Variants in KANK1 observed in about 807,000 individuals in gnomAD.
KANK1 encodes KN motif and ankyrin repeat domain-containing protein 1.
In KANK1, 109 loss-of-function variants were observed where a neutral mutation model predicts 106.2. That is an observed-to-expected ratio of 1.03 (90% CI 0.88 to 1.20). KANK1 has a LOEUF of 1.20. Among genes scored for constraint, KANK1 ranks in the 50% most tolerant of loss-of-function variants. The pLI is 0.00. For synonymous variants in KANK1, 873 were observed against 652.2 expected (o/e 1.34, Z -5.16); for missense variants, 2,399 against 1,710.7 (o/e 1.40, Z -7.10).
chr9:682,634 A>ATCATCTTCCCTG (rs1340196224), intron 2 of KANK1, among the ~76,000 whole-genome samples: 3 of 152,174 alleles, frequency 2.0e-5, no homozygotes, highest in Non-Finnish European at 4.4e-5. Flanking sequence ...ATGATGTTGC[A>ATCATCTTCCCTG]GAGAACATCT....
intron 1 of KANK1, among the ~76,000 whole-genome samples, chr9:634,479 T>C (rs965266024): frequency 1.3e-5 from 2 of 152,270 alleles, no homozygotes; most frequent in Admixed American, 6.5e-5. Context: ...ATTGGGGAAG[T>C]CACAAACCTT....
chr9:649,622 C>T (rs1840443777), intron 1 of KANK1, among the ~76,000 whole-genome samples: 1 of 152,184 alleles, frequency 6.6e-6, no homozygotes, highest in Non-Finnish European at 1.5e-5. Flanking sequence ...CACTGTGGCA[C>T]AGAACAGTAG....
intron 1 of KANK1, among the ~76,000 whole-genome samples, chr9:506,695 G>A (rs1300659539): frequency 6.6e-6 from 1 of 152,226 alleles, no homozygotes; most frequent in African/African-American, 2.4e-5. Context: ...TTCAAGACTA[G>A]TTTCATTTCA....
rs763430260 is a variant in KANK1, at chr9:731,143, T to C, written c.2897-15T>C. 6.6e-7 allele frequency: 1 copy of C among 1,508,154 alleles called. No individual in the cohort carries two copies. Among genetic ancestry groups the C allele is most frequent in the Admixed American group, 1.7e-5 (1 of 58,426 alleles). 93.4% of individuals were successfully genotyped at this position (1,508,154 alleles called of 1,614,324 possible). On this transcript the variant is annotated splice_polypyrimidine_tract_variant and intron_variant, in intron 4 of 11. Transcript: ENST00000382297. Reference sequence around the variant, plus strand: ...GGTGTGAGTTTTCATTTTTATTGCCTTGACTTTTTCACAGCATGTACAAAC... The same window carrying C: ...GGTGTGAGTTTTCATTTTTATTGCCCTGACTTTTTCACAGCATGTACAAAC...
chr9:720,342 T>G lies in KANK1; in HGVS notation c.2698+6878T>G, dbSNP rs570012862. Among the ~76,000 whole-genome samples, 5 of 152,312 alleles carry G rather than the reference T, an allele frequency of 3.3e-5. No individual in the cohort carries two copies. In the East Asian group the frequency reaches 9.7e-4, roughly 29 times the overall value. On this transcript the variant is annotated intron_variant, in intron 3 of 11. Transcript: ENST00000382297. Reference sequence around the variant, plus strand: ...AGGTGTTTTGTAATTACTCCACATGTTGCTGTCGTTTTGTTTTGTTGAGAC... The same window carrying G: ...AGGTGTTTTGTAATTACTCCACATGGTGCTGTCGTTTTGTTTTGTTGAGAC...
chr9:477,304 G>GAAA (rs74361424), intron 3 of KANK1, among the ~76,000 whole-genome samples: 5 of 89,336 alleles, frequency 5.6e-5, no homozygotes, highest in Non-Finnish European at 9.7e-5. Context: ...AATGCAAACA[G>GAAA]AAAAAAAAAA....
intron 1 of KANK1, among the ~76,000 whole-genome samples, chr9:525,383 G>GTATT (rs1280728854): frequency 1.3e-5 from 2 of 150,534 alleles, no homozygotes; most frequent in Non-Finnish European, 3.0e-5. Context: ...GTGTGTGTGT[G>GTATT]TATTTATTTG....
intron 1 of KANK1, among the ~76,000 whole-genome samples, chr9:598,637 T>C (rs1471791271): frequency 8.3e-6 from 1 of 120,252 alleles, no homozygotes; most frequent in Non-Finnish European, 1.7e-5. Context: ...TTTTTTTTTT[T>C]TTTTTTTTTT....
intron 2 of KANK1, chr9:693,498 C>T: frequency 2.0e-6 from 2 of 985,394 alleles, no homozygotes; most frequent in South Asian, 4.7e-5. Context: ...TTTGAAAAAT[C>T]AGAAGGAAGA....
At chr9:594,306 G>A (rs1825700930) in intron 1 of KANK1, among the ~76,000 whole-genome samples, 1 of 151,924 alleles carries the variant, frequency 6.6e-6, no homozygotes, top group Non-Finnish European at 1.5e-5. Context: ...GGTGGAGAAA[G>A]GCTAACTAGG....
intron 11 of KANK1, 35 bp from the exon 12 acceptor site, chr9:745,138 T>C (rs755511348): frequency 8.1e-6 from 13 of 1,611,328 alleles, no homozygotes; most frequent in East Asian, 2.2e-5. Context: ...AGGTCACTTA[T>C]TAACCCCCAG....
At chr9:578,085 A>T (rs755998246) in intron 1 of KANK1, among the ~76,000 whole-genome samples, 17 of 152,270 alleles carry the variant, frequency 1.1e-4, no homozygotes, top group Admixed American at 3.3e-4. Flanking sequence ...AGAGAAGAAC[A>T]CCAGAGGATA....
chr9:692,335 ATTTGGG>A (rs574289970), intron 2 of KANK1, among the ~76,000 whole-genome samples: 797 of 68,786 alleles, frequency 0.012, 9 homozygotes, highest in African/African-American at 0.032. Flanking sequence ...CATGGCACTT[ATTTGGG>A]CTTGGGGCTT....
intron 1 of KANK1, among the ~76,000 whole-genome samples, chr9:505,312 A>C (rs1001474893): frequency 6.6e-6 from 1 of 151,642 alleles, no homozygotes; most frequent in South Asian, 2.1e-4. Flanking sequence ...CCCTCCGCCA[A>C]CTCCGAGGTG....
chr9:727,451 G>A (rs756997128), intron 3 of KANK1, among the ~76,000 whole-genome samples: 1 of 151,410 alleles, frequency 6.6e-6, no homozygotes, highest in Non-Finnish European at 1.5e-5. Context: ...GAGCAGCTCT[G>A]GATTACAGGC....
chr9:573,322 T>C (rs555403189), intron 1 of KANK1, among the ~76,000 whole-genome samples: 24 of 152,234 alleles, frequency 1.6e-4, no homozygotes, highest in African/African-American at 5.8e-4. Context: ...CAGGCTGGAG[T>C]GCAGTGGCGC....
chr9:617,619 G>T (rs891351876), intron 1 of KANK1, among the ~76,000 whole-genome samples: 5 of 152,242 alleles, frequency 3.3e-5, no homozygotes, highest in African/African-American at 7.2e-5. Context: ...CTGGCTGTTG[G>T]GGGAGGCACA....
intron 1 of KANK1, among the ~76,000 whole-genome samples, chr9:608,101 A>T (rs532685458): frequency 7.2e-6 from 1 of 139,678 alleles, no homozygotes; most frequent in Non-Finnish European, 1.5e-5. Context: ...GCAGTGGCGC[A>T]ATCTCGGCTC....
intron 1 of KANK1, among the ~76,000 whole-genome samples, chr9:671,371 C>T (rs1588765865): frequency 6.6e-6 from 1 of 151,882 alleles, no homozygotes; most frequent in Non-Finnish European, 1.5e-5. Flanking sequence ...TGGGGCCGGG[C>T]GCGGTGGCTC....
Sources: gnomAD v4.1 joint callset for allele counts (sites outside exome capture counted in the v4.1 genomes callset) on GRCh38, gnomAD v4.1.1 for gene constraint, MANE v1.5 for transcripts, NCBI Gene and HGNC (gene_info 2026-07-23, HGNC 2026-07-21) for gene names.